NPHP4: variants seen among roughly 807,000 people sequenced by gnomAD.
NPHP4 encodes the protein nephrocystin-4.
NPHP4 carries 151 observed loss-of-function variants against 155.8 expected under a neutral mutation model. The observed-to-expected ratio is 0.97, with a 90% CI of 0.85 to 1.11. The LOEUF (loss-of-function observed/expected upper bound fraction) is 1.11, where lower values mean the gene tolerates loss of function less well. NPHP4 is among the 50% of genes least tolerant of loss of function. The pLI, the probability that NPHP4 is intolerant of heterozygous loss-of-function variation, is 0.00. For synonymous variants in NPHP4, 845 were observed against 816.8 expected, an observed-to-expected ratio of 1.03 and a Z score of -0.59; for missense variants, 1,956 against 1,925.7, an observed-to-expected ratio of 1.02 and a Z score of -0.29.
rs755418982 is a variant in NPHP4, at chr1:5,904,644, C to T, written c.2116G>A (p.Val706Met). The T allele has an allele frequency of 6.2e-7, 1 of 1,611,994 alleles. No homozygotes were observed. Among genetic ancestry groups the T allele is most frequent in the Non-Finnish European group, 8.5e-7 (1 of 1,178,432 alleles). The change falls in exon 16 of 30, where the codon GTG becomes ATG. Residue 706 changes from valine to methionine, a missense_variant. Physicochemically the swap from Val to Met is conservative, Grantham distance 21. Transcript: ENST00000378156. ...GCATCAAAGGTGCCATCTCTGCTCACAGGCACGAGGATGTGGGTCAGGGCG... is the reference window on the plus strand; with the variant it reads ...GCATCAAAGGTGCCATCTCTGCTCATAGGCACGAGGATGTGGGTCAGGGCG... ...SGALTHILVP[V>M]SRDGTFDAGS...
chr1:5,896,048 G>T (rs11122113), intron 16 of NPHP4, among the ~76,000 whole-genome samples: 21,317 of 152,272 alleles, frequency 0.14, 1,928 homozygotes, highest in Non-Finnish European at 0.21. Flanking sequence ...GAGTGTATTT[G>T]GTATGTTACC....
chr1:5,955,130 AT>A (rs1446245053), intron 6 of NPHP4, among the ~76,000 whole-genome samples: 1 of 152,234 alleles, frequency 6.6e-6, no homozygotes, highest in Non-Finnish European at 1.5e-5. Context: ...ACAGGAAACG[AT>A]GCTCAGCCTC....
chr1:5,938,540 C>G (rs944954474), intron 9 of NPHP4, among the ~76,000 whole-genome samples: 4 of 152,192 alleles, frequency 2.6e-5, no homozygotes, highest in Non-Finnish European at 5.9e-5. Context: ...GCAGTGGCTC[C>G]CAGACATTCC....
At chr1:5,956,681 C>T (rs1413826514) in intron 6 of NPHP4, among the ~76,000 whole-genome samples, 1 of 152,168 alleles carries the variant, frequency 6.6e-6, no homozygotes, top group African/African-American at 2.4e-5. Flanking sequence ...CTTCGCACAT[C>T]TGAAGGGCTA....
chr1:5,955,789 T>C (rs191240220), intron 6 of NPHP4, among the ~76,000 whole-genome samples: 28 of 152,196 alleles, frequency 1.8e-4, no homozygotes, highest in Non-Finnish European at 3.7e-4. Context: ...CAAGTTACAG[T>C]CTAAATTCTG....
Position 5,909,141 on chromosome 1 carries a change from C to G in NPHP4, c.1503+11G>C. 7 of 1,589,430 alleles carry G rather than the reference C, an allele frequency of 4.4e-6. No individual in the cohort carries two copies. Among genetic ancestry groups the G allele is most frequent in the Non-Finnish European group, 6.0e-6 (7 of 1,166,918 alleles). On this transcript the variant is annotated intron_variant, in intron 12 of 29. Coordinates refer to ENST00000378156, the MANE Select transcript of NPHP4 (RefSeq NM_015102.5). Reference sequence around the variant, plus strand: ...GAATTCTGAAGGAGGCCGTGGGGGGCCTGGACTTACCCCTGGTCCCACAGG... The same window carrying G: ...GAATTCTGAAGGAGGCCGTGGGGGGGCTGGACTTACCCCTGGTCCCACAGG...
intron 19 of NPHP4, chr1:5,879,360 G>C: frequency 2.8e-6 from 1 of 356,408 alleles, no homozygotes; most frequent in South Asian, 2.1e-5. Context: ...TAAGGGGATA[G>C]AAAAACTTCA....
chr1:5,895,464 C>G (rs1032546034), intron 16 of NPHP4, among the ~76,000 whole-genome samples: 3 of 152,162 alleles, frequency 2.0e-5, no homozygotes, highest in Admixed American at 1.3e-4. Context: ...CGCGCCACTG[C>G]ACTCCAGCTT....
At chr1:5,869,178 AATG>A (rs1373218719) in intron 23 of NPHP4, among the ~76,000 whole-genome samples, 1 of 143,018 alleles carries the variant, frequency 7.0e-6, no homozygotes, top group Non-Finnish European at 1.5e-5. Flanking sequence ...ACATGCACAC[AATG>A]CACACATACA....
intron 9 of NPHP4, among the ~76,000 whole-genome samples, chr1:5,946,020 AT>A (rs1163837280): frequency 6.6e-6 from 1 of 152,188 alleles, no homozygotes; most frequent in Non-Finnish European, 1.5e-5. Context: ...ATTACTGTAT[AT>A]TATAATTGTT....
intron 5 of NPHP4, among the ~76,000 whole-genome samples, chr1:5,965,863 G>A (rs541960227): frequency 1.1e-4 from 16 of 152,118 alleles, no homozygotes; most frequent in East Asian, 9.6e-4. Context: ...ATCAGAGGCC[G>A]AGAACTTCCC....
At chr1:5,939,802 T>C (rs563940540) in intron 9 of NPHP4, among the ~76,000 whole-genome samples, 51 of 152,306 alleles carry the variant, frequency 3.3e-4, no homozygotes, top group African/African-American at 1.1e-3. Flanking sequence ...GAGACCGCGT[T>C]GTCTATGAGC....
chr1:5,887,972 G>A (rs1643908162), intron 17 of NPHP4, among the ~76,000 whole-genome samples: 1 of 152,338 alleles, frequency 6.6e-6, no homozygotes, highest in African/African-American at 2.4e-5. Context: ...CAGGCCAAGG[G>A]CACAGGGCAC....
intron 11 of NPHP4, among the ~76,000 whole-genome samples, chr1:5,909,814 A>T (rs1302418070): frequency 6.6e-6 from 1 of 152,116 alleles, no homozygotes; most frequent in African/African-American, 2.4e-5. Flanking sequence ...TTGGCCCTTT[A>T]TAAGGCCACA....
intron 26 of NPHP4, 42 bp from the exon 27 acceptor site, chr1:5,865,315 T>A (rs1641099985): frequency 6.8e-7 from 1 of 1,471,762 alleles, no homozygotes; most frequent in Middle Eastern, 2.3e-4. Flanking sequence ...CCCGGAGGAC[T>A]CAGCACCGGC....
chr1:5,901,516 T>C (rs1422488535), intron 16 of NPHP4, among the ~76,000 whole-genome samples: 2 of 152,222 alleles, frequency 1.3e-5, no homozygotes, highest in Admixed American at 1.3e-4. Flanking sequence ...ACAAGAAAAA[T>C]TTGATTTTGG....
chr1:5,987,926 C>T (rs1349345598), intron 1 of NPHP4, among the ~76,000 whole-genome samples: 2 of 152,150 alleles, frequency 1.3e-5, no homozygotes. Flanking sequence ...GAATTAAGAA[C>T]ATTTGTATCC....
intron 9 of NPHP4, among the ~76,000 whole-genome samples, chr1:5,946,097 G>C (rs1647081974): frequency 6.6e-6 from 1 of 152,204 alleles, no homozygotes; most frequent in Non-Finnish European, 1.5e-5. Context: ...TCATAGGTAT[G>C]TATATGCAGG....
chr1:5,912,633 T>A (rs1025854480), intron 11 of NPHP4, among the ~76,000 whole-genome samples: 1 of 151,950 alleles, frequency 6.6e-6, no homozygotes. Flanking sequence ...ACCACACCCA[T>A]GAGACATGCT....
Sources: gnomAD v4.1 joint callset for allele counts (sites outside exome capture counted in the v4.1 genomes callset) on GRCh38, gnomAD v4.1.1 for gene constraint, MANE v1.5 for transcripts, NCBI Gene and HGNC (gene_info 2026-07-23, HGNC 2026-07-21) for gene names.